Variants in WDR1 observed in about 807,000 individuals in gnomAD.
WDR1 encodes WD repeat-containing protein 1.
WDR1 carries 21 observed loss-of-function variants against 71.9 expected under a neutral mutation model. That is an observed-to-expected ratio of 0.29 (90% CI 0.21 to 0.42). The LOEUF is 0.42. Ranked by LOEUF, WDR1 falls within the 10% of genes least tolerant of loss-of-function variation. The pLI is 1.00. For synonymous variants in WDR1, 424 were observed against 347.4 expected (o/e 1.22, Z -2.45); for missense variants, 696 against 824.5 (o/e 0.84, Z 1.91).
Position 10,103,919 on chromosome 4 carries a change from C to A in WDR1, c.206G>T (p.Ser69Ile). 1 of 1,596,856 alleles carries A rather than the reference C, an allele frequency of 6.3e-7. No individual in the cohort carries two copies. Among genetic ancestry groups the A allele is most frequent in the Non-Finnish European group, 8.5e-7 (1 of 1,172,132 alleles). ...ACCTCCGGAGGCAATGTAGAATCCG[C>A]TGGGCGCATACTTGGCCACCACCAC... The part of the protein sequence containing the change: ...HQVVVAKYAP[S>I]GFYIASGDVS... The change falls in exon 3 of 15, where the codon AGC becomes ATC. Residue 69 changes from serine to isoleucine, a missense_variant. Transcript: ENST00000499869.
intron 5 of WDR1, 63 bp downstream of exon 5, chr4:10,097,648 G>C: frequency 6.5e-7 from 1 of 1,543,498 alleles, no homozygotes; most frequent in South Asian, 1.2e-5. Context: ...ATCTAAACAG[G>C]CTCAGCCTCT....
chr4:10,099,228 C>T, intron 3 of WDR1, 89 bp from the exon 4 acceptor site: 1 of 1,188,602 alleles, frequency 8.4e-7, no homozygotes, highest in Non-Finnish European at 1.2e-6. Context: ...GGGCCAGGGC[C>T]ACGTGGCCAT....
intron 5 of WDR1, among the ~76,000 whole-genome samples, chr4:10,093,937 A>G (rs1343948363): frequency 6.6e-6 from 1 of 152,244 alleles, no homozygotes; most frequent in Non-Finnish European, 1.5e-5. Flanking sequence ...TTCCTTATCT[A>G]TCAGGAAGGC....
intron 11 of WDR1, 128 bp downstream of exon 11, chr4:10,081,229 T>G (rs1476161903): frequency 1.6e-5 from 12 of 751,074 alleles, no homozygotes; most frequent in African/African-American, 5.2e-5. Context: ...GATCCCTTAG[T>G]GCAGTGCAAA....
chr4:10,098,890 C>T (rs1712518257), intron 4 of WDR1, 102 bp downstream of exon 4: 16 of 1,530,154 alleles, frequency 1.0e-5, no homozygotes, highest in Non-Finnish European at 1.4e-5. Context: ...CTCACGAGTG[C>T]AAGTTAGTAC....
In WDR1 at chr4:10,075,535, T is replaced by C; in HGVS notation, c.1715-51A>G. On this transcript the variant is annotated intron_variant, in intron 14 of 14. Transcript: ENST00000499869. ...GAAAAGCCAAACTTCTCTGCAACTA[T>C]GTACATCTTGGACTAGGAAGATGGA... The C allele has an allele frequency of 2.6e-6, 4 of 1,537,026 alleles. No individual in the cohort carries two copies. In the South Asian group the frequency reaches 3.4e-5, roughly 13 times the overall value.
chr4:10,101,454 A>C (rs1393687571), intron 3 of WDR1, among the ~76,000 whole-genome samples: 4 of 152,118 alleles, frequency 2.6e-5, no homozygotes, highest in African/African-American at 9.7e-5. Flanking sequence ...AAACGTTCCA[A>C]TGTAAGCCTT....
At chr4:10,087,048 G>A (rs1711621580) in intron 8 of WDR1, among the ~76,000 whole-genome samples, 1 of 152,224 alleles carries the variant, frequency 6.6e-6, no homozygotes, top group African/African-American at 2.4e-5. Context: ...GGAGCCTTTG[G>A]CTCAAGTGAA....
rs1233884656 is a variant in WDR1, at chr4:10,113,024, G to A, written c.138+3089C>T. Among the ~76,000 whole-genome samples, 3 of 152,220 alleles carry A rather than the reference G, an allele frequency of 2.0e-5. No homozygotes were observed. The East Asian group carries it at 5.8e-4, about 29-fold the overall frequency. Reference sequence around the variant, plus strand: ...CCGGGGATGGAAAATTCTATTCCGGGGACACCCCTCTACTAAGGTGACTAC... The same window carrying A: ...CCGGGGATGGAAAATTCTATTCCGGAGACACCCCTCTACTAAGGTGACTAC... On this transcript the variant is annotated intron_variant, in intron 2 of 14. Transcript: ENST00000499869.
chr4:10,109,791 T>C (rs1713239324), intron 2 of WDR1, among the ~76,000 whole-genome samples: 1 of 152,138 alleles, frequency 6.6e-6, no homozygotes, highest in Non-Finnish European at 1.5e-5. Flanking sequence ...AGGGTTCAAA[T>C]TCCAGCACCT....
At chr4:10,087,447 C>T (rs1304987482) in intron 8 of WDR1, among the ~76,000 whole-genome samples, 3 of 152,226 alleles carry the variant, frequency 2.0e-5, no homozygotes, top group Non-Finnish European at 2.9e-5. Flanking sequence ...GCCACTGCCC[C>T]GAATCACTAG....
intron 5 of WDR1, chr4:10,092,495 G>T: frequency 6.5e-6 from 1 of 153,570 alleles, no homozygotes; most frequent in Non-Finnish European, 1.5e-5. Context: ...CCTCCCACAG[G>T]CTCTGGCAGG....
At chr4:10,076,998 A>C in intron 14 of WDR1, 1 of 364,456 alleles carries the variant, frequency 2.7e-6, no homozygotes. Context: ...TGTCTTAGGG[A>C]GGGGGAGACC....
chr4:10,088,722 T>C lies in WDR1; in HGVS notation c.578A>G (p.Asn193Ser). The C allele has an allele frequency of 6.2e-7, 1 of 1,605,140 alleles. No homozygotes were observed. Among genetic ancestry groups the C allele is most frequent in the Non-Finnish European group, 8.5e-7 (1 of 1,175,860 alleles). ...FTIGDHSRFV[N>S]CVRFSPDGNR... ...CCCATCAGGAGAGAATCGCACACAG[T>C]TGACAAAGCGGCTGTGGTCCTGCAG... Residue 193 changes from asparagine to serine, a missense_variant, in exon 6 of 15, where the codon AAC (asparagine) becomes AGC (serine). Transcript: ENST00000499869.
At chr4:10,104,122 A>G (rs972575614) in intron 2 of WDR1, 136 bp from the exon 3 acceptor site, 4 of 861,390 alleles carry the variant, frequency 4.6e-6, no homozygotes, top group Non-Finnish European at 7.5e-6. Flanking sequence ...AAACCGCAGA[A>G]GCATACCACT....
chr4:10,110,323 A>C (rs1398145654), intron 2 of WDR1, among the ~76,000 whole-genome samples: 3 of 152,064 alleles, frequency 2.0e-5, no homozygotes, highest in African/African-American at 4.8e-5. Context: ...GGTGGAGGTC[A>C]CTCTCCAAAG....
At chr4:10,088,183 A>G (rs2109657075) in intron 7 of WDR1, 110 bp downstream of exon 7, 1 of 1,116,298 alleles carries the variant, frequency 9.0e-7, no homozygotes, top group Non-Finnish European at 1.3e-6. Flanking sequence ...GCCCCGACTT[A>G]TAGCCCCTCA....
intron 12 of WDR1, 124 bp downstream of exon 12, chr4:10,078,767 C>T: frequency 3.8e-6 from 3 of 787,974 alleles, no homozygotes; most frequent in Non-Finnish European, 6.0e-6. Context: ...GCCCCGACTG[C>T]CCCCATCCTT....
At position 10,087,848 on chromosome 4, in the gene WDR1, G is replaced by A; in HGVS notation, c.810C>T (p.Ser270=). Residue 270 remains serine (S), a synonymous_variant, in exon 8 of 15, where the codon AGC becomes AGT. Coordinates refer to ENST00000499869, the MANE Select transcript of WDR1 (RefSeq NM_017491.5). ...IWDVSVNSVV[S]TFPMGSTVLD... ...GAACCGTGGAGCCCATGGGAAATGT[G>A]CTGACCACGGAGTTCACGCTGACGT... The A allele has an allele frequency of 6.3e-7, 1 of 1,574,962 alleles. No individual in the cohort carries two copies. The highest frequency in any genetic ancestry group is 2.3e-5 in the East Asian group (1 of 42,958).
Sources: allele counts gnomAD v4.1 joint callset (sites outside exome capture counted in the v4.1 genomes callset), GRCh38; gene constraint gnomAD v4.1.1; transcripts MANE v1.5; gene names NCBI Gene and HGNC (gene_info 2026-07-23, HGNC 2026-07-21).